The following CDH18 variants were observed in gnomAD, a reference collection of about 807,000 sequenced individuals.
CDH18 encodes the protein cadherin 18.
CDH18 carries 31 observed loss-of-function variants against 67.9 expected under a neutral mutation model. The ratio of observed to expected loss-of-function variants is 0.46; its 90% CI spans 0.34 to 0.62. CDH18 has a LOEUF of 0.62. CDH18 is among the 20% of genes least tolerant of loss of function. The probability of loss-of-function intolerance (pLI) is 0.01; values close to 1 mark genes in which losing one functional copy is unlikely to be tolerated. For synonymous variants in CDH18, 362 were observed against 347.2 expected, an observed-to-expected ratio of 1.04 and a Z score of -0.48; for missense variants, 890 against 975.5, an observed-to-expected ratio of 0.91 and a Z score of 1.17.
chr5:19,840,305 C>T (rs1382853492), intron 2 of CDH18, among the ~76,000 whole-genome samples: 1 of 136,332 alleles, frequency 7.3e-6, no homozygotes, highest in East Asian at 2.2e-4. Context: ...AAAAAAACAA[C>T]ACGTTGAAGA....
chr5:20,162,503 T>C (rs1226160049), intron 2 of CDH18, among the ~76,000 whole-genome samples: 1 of 25,160 alleles, frequency 4.0e-5, no homozygotes, highest in Non-Finnish European at 8.3e-5. Flanking sequence ...ATAATAGACA[T>C]ATATATATAT....
At chr5:20,436,115 A>T (rs1749148808) in intron 1 of CDH18, among the ~76,000 whole-genome samples, 1 of 152,012 alleles carries the variant, frequency 6.6e-6, no homozygotes, top group African/African-American at 2.4e-5. Context: ...CCTGTCTCTG[A>T]TGCACTACTA....
At chr5:20,334,076 A>G (rs1033621867) in intron 1 of CDH18, among the ~76,000 whole-genome samples, 2 of 151,450 alleles carry the variant, frequency 1.3e-5, no homozygotes, top group East Asian at 2.0e-4. Context: ...CATCTTTGAT[A>G]TGGATAATAA....
intron 2 of CDH18, among the ~76,000 whole-genome samples, chr5:20,251,829 T>C (rs1743882277): frequency 6.6e-6 from 1 of 152,192 alleles, no homozygotes; most frequent in Non-Finnish European, 1.5e-5. Context: ...AAAAAATAGA[T>C]CTGATTTGAG....
At chr5:19,977,070 T>G (rs182546627) in intron 2 of CDH18, among the ~76,000 whole-genome samples, 1 of 152,228 alleles carries the variant, frequency 6.6e-6, no homozygotes, top group African/African-American at 2.4e-5. Flanking sequence ...TTCAACTCAG[T>G]GGGATTGAAG....
intron 1 of CDH18, among the ~76,000 whole-genome samples, chr5:20,467,303 T>G (rs1241431874): frequency 6.6e-6 from 1 of 150,684 alleles, no homozygotes; most frequent in African/African-American, 2.4e-5. Context: ...ATATAGTCAA[T>G]TATATATATA....
At chr5:20,286,634 A>C (rs2940444) in intron 1 of CDH18, among the ~76,000 whole-genome samples, 70,040 of 151,322 alleles carry the variant, frequency 0.46, 16,372 homozygotes, top group South Asian at 0.54. Context: ...TGCTCATGTG[A>C]CCTATGCTAA....
Position 20,374,430 on chromosome 5 carries a change from T to G in CDH18, c.-579-118925A>C, listed in dbSNP as rs560727774. The stretch of plus-strand genomic sequence containing the variant: ...CCTCTCACTATCAAAGGTAGTTAGG[T>G]CTCTACAGTAAGAGTTCTGGAGCAG... On this transcript the variant is annotated intron_variant, in intron 1 of 14. Coordinates refer to the CDH18 transcript ENST00000507958. Among the ~76,000 whole-genome samples, 43 of 152,290 alleles carry G rather than the reference T, an allele frequency of 2.8e-4. No individual in the cohort carries two copies. In the South Asian group the frequency reaches 8.9e-3, roughly 32 times the overall value.
intron 7 of CDH18, among the ~76,000 whole-genome samples, chr5:19,580,802 C>A (rs533665596): frequency 6.6e-6 from 1 of 151,760 alleles, no homozygotes. Context: ...TAAGCTGTGT[C>A]CTTAAGCACT....
intron 3 of CDH18, among the ~76,000 whole-genome samples, chr5:19,812,770 A>G (rs1205448980): frequency 6.6e-6 from 1 of 152,134 alleles, no homozygotes; most frequent in Non-Finnish European, 1.5e-5. Flanking sequence ...GCGATTCCTC[A>G]AGGATCTAGA....
At chr5:19,896,879 G>T (rs986511236) in intron 2 of CDH18, among the ~76,000 whole-genome samples, 1 of 152,130 alleles carries the variant, frequency 6.6e-6, no homozygotes, top group Non-Finnish European at 1.5e-5. Context: ...ATGGGTTAAA[G>T]AGTACATGGG....
At chr5:20,397,817 G>T (rs949335685) in intron 1 of CDH18, among the ~76,000 whole-genome samples, 1 of 151,966 alleles carries the variant, frequency 6.6e-6, no homozygotes, top group Admixed American at 6.6e-5. Flanking sequence ...CTTTTTCATA[G>T]TAAGTCTTAA....
chr5:19,573,289 T>A (rs1188419456), intron 7 of CDH18, among the ~76,000 whole-genome samples: 1 of 152,096 alleles, frequency 6.6e-6, no homozygotes, highest in Non-Finnish European at 1.5e-5. Context: ...ATACTCTTTT[T>A]TTTTTTTGAG....
intron 7 of CDH18, among the ~76,000 whole-genome samples, chr5:19,588,374 C>A (rs1342665474): frequency 6.6e-6 from 1 of 151,894 alleles, no homozygotes; most frequent in Non-Finnish European, 1.5e-5. Flanking sequence ...TCATTACCAC[C>A]ATATCTGCCT....
At chr5:19,701,484 T>C (rs991626408) in intron 5 of CDH18, among the ~76,000 whole-genome samples, 2 of 151,656 alleles carry the variant, frequency 1.3e-5, no homozygotes, top group East Asian at 3.9e-4. Context: ...AGACACAGAG[T>C]TATGAGGAAT....
At chr5:19,724,967 C>A (rs1274652691) in intron 4 of CDH18, among the ~76,000 whole-genome samples, 1 of 150,606 alleles carries the variant, frequency 6.6e-6, no homozygotes, top group Non-Finnish European at 1.5e-5. Flanking sequence ...CCTTCTGTCA[C>A]CTAGGCTGGA....
At chr5:20,208,837 A>T (rs967623608) in intron 2 of CDH18, among the ~76,000 whole-genome samples, 1 of 152,132 alleles carries the variant, frequency 6.6e-6, no homozygotes, top group African/African-American at 2.4e-5. Flanking sequence ...CAAGGGACTA[A>T]TAACCAGAAT....
intron 1 of CDH18, among the ~76,000 whole-genome samples, chr5:20,319,010 A>C (rs972355617): frequency 2.0e-5 from 3 of 152,030 alleles, no homozygotes; most frequent in African/African-American, 7.2e-5. Flanking sequence ...AGGCTGCTCT[A>C]CTTGGAATAG....
intron 1 of CDH18, among the ~76,000 whole-genome samples, chr5:20,482,648 T>C (rs1449516039): frequency 1.3e-5 from 2 of 152,100 alleles, no homozygotes; most frequent in Non-Finnish European, 1.5e-5. Context: ...TGATATATCA[T>C]ATGATCAGAA....
Sources: allele counts gnomAD v4.1 joint callset (sites outside exome capture counted in the v4.1 genomes callset), GRCh38; gene constraint gnomAD v4.1.1; transcripts MANE v1.5; gene names NCBI Gene and HGNC (gene_info 2026-07-23, HGNC 2026-07-21).